TNRC18: variants seen among roughly 807,000 people sequenced by gnomAD.
TNRC18 encodes the protein trinucleotide repeat containing 18, also known as trinucleotide repeat-containing gene 18 protein.
In TNRC18, 69 loss-of-function variants were observed where a neutral mutation model predicts 226.7. The observed-to-expected ratio is 0.30, with a 90% CI of 0.25 to 0.37. TNRC18 has a LOEUF of 0.37. Among genes scored for constraint, TNRC18 ranks in the 10% least tolerant of loss-of-function variants. The probability of loss-of-function intolerance (pLI) is 1.00; values close to 1 mark genes in which losing one functional copy is unlikely to be tolerated. For missense variants in TNRC18, 4,754 were observed against 4,256.6 expected (o/e 1.12, Z -3.25); for synonymous variants, 2,449 against 1,927.6 (o/e 1.27, Z -7.09).
intron 10 of TNRC18, among the ~76,000 whole-genome samples, chr7:5,372,882 G>C (rs1472330247): frequency 6.6e-6 from 1 of 152,144 alleles, no homozygotes; most frequent in East Asian, 1.9e-4. Context: ...AAATTGGCCA[G>C]ACATGGTGGC....
chr7:5,393,107 G>GT (rs1243189362), intron 3 of TNRC18, among the ~76,000 whole-genome samples: 1 of 152,266 alleles, frequency 6.6e-6, no homozygotes, highest in African/African-American at 2.4e-5. Flanking sequence ...CACCCTGTGT[G>GT]TTTGTGGTCA....
intron 2 of TNRC18, among the ~76,000 whole-genome samples, chr7:5,404,407 G>T (rs961251199): frequency 1.3e-5 from 2 of 152,170 alleles, no homozygotes; most frequent in Admixed American, 6.6e-5. Flanking sequence ...TTGAAAAAGA[G>T]AACCTGTAAA....
intron 2 of TNRC18, among the ~76,000 whole-genome samples, chr7:5,410,866 A>G (rs1781794442): frequency 6.7e-6 from 1 of 149,676 alleles, no homozygotes; most frequent in Admixed American, 6.7e-5. Flanking sequence ...ATCTCAAAAA[A>G]AAAAAAAAAA....
In TNRC18 at chr7:5,310,981, CGTGCATGGATGCACGTGCACGCATGTAT is replaced by C. The variant is rs1254419375; in HGVS notation, c.8388+1494_8388+1521del. On this transcript the variant is annotated intron_variant, in intron 27 of 29. Coordinates refer to ENST00000430969, the MANE Select transcript of TNRC18 (RefSeq NM_001080495.3). ...GTGCACGTGTACTCGTGTGCATGCA[CGTGCATGGATGCACGTGCACGCATGTAT>C]GTGCCTACGTTTGTGTACGTGTGCA... Among the ~76,000 whole-genome samples, 271 of 152,318 alleles carry C rather than the reference CGTGCATGGATGCACGTGCACGCATGTAT, an allele frequency of 1.8e-3. 1 individual carries two copies. The highest frequency in any genetic ancestry group is 6.0e-3 in the African/African-American group (250 of 41,568).
At chr7:5,320,496 C>A in intron 23 of TNRC18, 36 bp downstream of exon 23, 1 of 1,573,784 alleles carries the variant, frequency 6.4e-7, no homozygotes, top group Non-Finnish European at 8.6e-7. Flanking sequence ...CCCAGCCCAC[C>A]CCGAGCCTCC....
In TNRC18 at chr7:5,312,436, C is replaced by T. The variant is rs1239201276; in HGVS notation, c.8388+67G>A. ...CACACACGGAGACACAGCATGAAGC[C>T]GTGGGCCCAGCAGAGAGACACAAGG... On this transcript the variant is annotated intron_variant, in intron 27 of 29. Transcript: ENST00000430969. This position sits in a 1 kb window ranked among gnomAD's most constrained non-coding sequence, Gnocchi z 6.3. 21 of 1,564,502 alleles carry T rather than the reference C, an allele frequency of 1.3e-5. No individual in the cohort carries two copies. In the East Asian group the frequency reaches 2.7e-4, roughly 20 times the overall value.
intron 24 of TNRC18, among the ~76,000 whole-genome samples, chr7:5,316,441 GGC>G (rs1787860264): frequency 3.3e-5 from 5 of 151,834 alleles, no homozygotes; most frequent in African/African-American, 1.2e-4. Flanking sequence ...CACCATGCCT[GGC>G]TAATTCTGTA....
chr7:5,420,809 G>C (rs1360849079), intron 2 of TNRC18: 4 of 686,590 alleles, frequency 5.8e-6, no homozygotes, highest in Non-Finnish European at 1.1e-5. Context: ...CGGTGGCTCG[G>C]GCTACCACAC....
chr7:5,400,503 G>C (rs1049754272), intron 2 of TNRC18, among the ~76,000 whole-genome samples: 5 of 152,040 alleles, frequency 3.3e-5, no homozygotes, highest in Non-Finnish European at 7.4e-5. Context: ...CCAGCTACTC[G>C]GGAGGTTTTT....
chr7:5,423,508 G>T lies in TNRC18; in HGVS notation c.-311C>A, dbSNP rs1782696084. 2 of 152,042 alleles carry T rather than the reference G, an allele frequency of 1.3e-5. No homozygotes were observed. The highest frequency in any genetic ancestry group is 1.3e-4 in the Admixed American group (2 of 15,274). The allele number at this position is 152,042 out of a possible 1,614,324, so 9.4% of individuals were successfully genotyped here. On this transcript the variant is annotated 5_prime_UTR_variant, in exon 1 of 30. Coordinates refer to ENST00000430969, the MANE Select transcript of TNRC18 (RefSeq NM_001080495.3). ...ACTCCGGCGGCGGCCCCGGCTCCCG[G>T]CGCAGCTAGGCGCCCCTGCTGCCCG...
rs1417243502 is a variant in TNRC18 at position 5,362,831 on chromosome 7, G to A, written c.4220-6C>T. On this transcript the variant is annotated splice_region_variant and splice_polypyrimidine_tract_variant and intron_variant, in intron 11 of 29. Coordinates refer to ENST00000430969, the MANE Select transcript of TNRC18 (RefSeq NM_001080495.3). Reference sequence around the variant, plus strand: ...CACCAGGGCCCGCTCCGCACCTGTGGACAGGAGGTAGGTAACAGGGCGCTG... The same window carrying A: ...CACCAGGGCCCGCTCCGCACCTGTGAACAGGAGGTAGGTAACAGGGCGCTG... 1.3e-6 allele frequency: 2 copies of A among 1,518,986 alleles called. No individual in the cohort carries two copies. The highest frequency in any genetic ancestry group is 8.8e-7 in the Non-Finnish European group (1 of 1,134,130). 94.1% of individuals were successfully genotyped at this position (1,518,986 alleles called of 1,614,324 possible).
intron 16 of TNRC18, 130 bp downstream of exon 16, chr7:5,356,786 G>A: frequency 7.6e-7 from 1 of 1,318,236 alleles, no homozygotes. Flanking sequence ...AGGCACTGTA[G>A]TGCGCCCCAG....
intron 19 of TNRC18, among the ~76,000 whole-genome samples, chr7:5,329,682 C>A (rs1370517113): frequency 1.7e-3 from 77 of 45,754 alleles, no homozygotes; most frequent in East Asian, 3.1e-3. Context: ...GACTCCGTCT[C>A]AAAAAAAAAA....
At chr7:5,340,519 T>G (rs1321803213) in intron 18 of TNRC18, among the ~76,000 whole-genome samples, 2 of 151,858 alleles carry the variant, frequency 1.3e-5, no homozygotes, top group East Asian at 3.9e-4. Context: ...AGAGGATCAT[T>G]TGAAGTCAGG....
chr7:5,410,651 A>G (rs1053827446), intron 2 of TNRC18, among the ~76,000 whole-genome samples: 1 of 151,974 alleles, frequency 6.6e-6, no homozygotes, highest in Non-Finnish European at 1.5e-5. Flanking sequence ...CAATCACCTG[A>G]GGCCAGAAGT....
rs1475603423 is a variant in TNRC18 at position 5,366,425 on chromosome 7, C to T, written c.4220-3600G>A. On this transcript the variant is annotated intron_variant, in intron 11 of 29. Coordinates refer to ENST00000430969, the MANE Select transcript of TNRC18 (RefSeq NM_001080495.3). ...TCATGCAACCTTCGCCTCCTGGATT[C>T]AAGCAATTCTGCCTCAGTCCCCTGA... 3.7e-5 allele frequency among the ~76,000 whole-genome samples: 5 copies of T among 135,276 alleles called. No individual in the cohort carries two copies. In the East Asian group the frequency reaches 9.6e-4, roughly 26 times the overall value. 88.7% of individuals were successfully genotyped at this position (135,276 alleles called of 152,430 possible). A position where few individuals can be genotyped will look rare whatever the true frequency, so the allele number is the denominator to read the frequency against.
intron 2 of TNRC18, among the ~76,000 whole-genome samples, chr7:5,404,880 G>A (rs745979920): frequency 2.7e-4 from 41 of 151,976 alleles, no homozygotes; most frequent in African/African-American, 9.4e-4. Context: ...TTGGGAGGCC[G>A]AGGCGGGCAG....
In TNRC18 at chr7:5,324,370, T is replaced by C; in HGVS notation, c.6301-15A>G. 6.2e-7 allele frequency: 1 copy of C among 1,612,672 alleles called. No individual in the cohort carries two copies. Among genetic ancestry groups the C allele is most frequent in the Non-Finnish European group, 8.5e-7 (1 of 1,179,652 alleles). On this transcript the variant is annotated splice_polypyrimidine_tract_variant and intron_variant, in intron 20 of 29. Coordinates refer to ENST00000430969, the MANE Select transcript of TNRC18 (RefSeq NM_001080495.3). The surrounding 1 kb of genome is among the most constrained non-coding windows in gnomAD (Gnocchi z 4.8). Reference sequence around the variant, plus strand: ...TTGCCGCGGTTCTGGGGACAGAACATGGCCGACAAATGACTTAGGACCTGA... The same window carrying C: ...TTGCCGCGGTTCTGGGGACAGAACACGGCCGACAAATGACTTAGGACCTGA...
In TNRC18 at chr7:5,308,160, G is replaced by A. The variant is rs562407938; in HGVS notation, c.8853C>T (p.Tyr2951=). 4.7e-5 allele frequency: 74 copies of A among 1,578,574 alleles called. No homozygotes were observed. In the South Asian group the frequency reaches 6.5e-4, roughly 14 times the overall value. The change falls in exon 30 of 30, where the codon TAC becomes TAT. Residue 2951 remains tyrosine, a synonymous_variant. Coordinates refer to ENST00000430969, the MANE Select transcript of TNRC18 (RefSeq NM_001080495.3). The part of the protein sequence containing the change: ...SEGLYYLAGT[Y]EPTTGMIFST... ...AGAAGATCATGCCCGTGGTGGGCTC[G>A]TAGGTGCCCGCGAGGTAGTACAGGC...
Sources: allele counts gnomAD v4.1 joint callset (sites outside exome capture counted in the v4.1 genomes callset), GRCh38; gene constraint gnomAD v4.1.1; non-coding constraint Gnocchi (gnomAD v3.1); transcripts MANE v1.5; gene names NCBI Gene and HGNC (gene_info 2026-07-23, HGNC 2026-07-21).